Variants in NOL4 observed in about 807,000 individuals in gnomAD.
The protein encoded by NOL4 is nucleolar protein 4.
In NOL4, 17 loss-of-function variants were observed where a neutral mutation model predicts 75.9. The ratio of observed to expected loss-of-function variants is 0.22; its 90% CI spans 0.15 to 0.34. The LOEUF (loss-of-function observed/expected upper bound fraction) is 0.34, where lower values mean the gene tolerates loss of function less well. Among genes scored for constraint, NOL4 ranks in the 10% least tolerant of loss-of-function variants. NOL4 has a pLI of 1.00. For synonymous variants in NOL4, 292 were observed against 289.9 expected (o/e 1.01, Z -0.07); for missense variants, 614 against 793.5 (o/e 0.77, Z 2.72).
At chr18:34,021,997 G>A (rs1485759994) in intron 5 of NOL4, among the ~76,000 whole-genome samples, 6 of 151,892 alleles carry the variant, frequency 4.0e-5, no homozygotes, top group Admixed American at 1.3e-4. Flanking sequence ...TCAGCTACTC[G>A]GGAGGCTGAG....
At chr18:34,049,730 G>A (rs763978593) in intron 5 of NOL4, among the ~76,000 whole-genome samples, 48 of 152,102 alleles carry the variant, frequency 3.2e-4, no homozygotes, top group Non-Finnish European at 6.3e-4. Context: ...CCCACTGTCT[G>A]TAATTATTCT....
chr18:34,055,805 C>T (rs115894837), intron 5 of NOL4, among the ~76,000 whole-genome samples: 2,518 of 150,996 alleles, frequency 0.017, 67 homozygotes, highest in African/African-American at 0.058. Context: ...TTCTTCATTC[C>T]TTTTTTTTTC....
intron 1 of NOL4, among the ~76,000 whole-genome samples, chr18:34,201,423 T>C (rs774674962): frequency 5.3e-5 from 8 of 151,834 alleles, no homozygotes; most frequent in African/African-American, 7.2e-5. Context: ...TTAGAGTTCA[T>C]GTTCTTAACC....
At chr18:34,193,870 T>C (rs1180564702) in intron 1 of NOL4, among the ~76,000 whole-genome samples, 2 of 152,142 alleles carry the variant, frequency 1.3e-5, no homozygotes, top group Non-Finnish European at 2.9e-5. Context: ...GAAAATGTGG[T>C]ATGCATACAC....
At chr18:34,123,104 G>A (rs1364064657) in intron 2 of NOL4, among the ~76,000 whole-genome samples, 2 of 150,216 alleles carry the variant, frequency 1.3e-5, no homozygotes, top group Non-Finnish European at 3.0e-5. Flanking sequence ...AAACTTCTTT[G>A]GATAAGCTCT....
At chr18:34,126,416 A>T (rs1476135583) in intron 2 of NOL4, among the ~76,000 whole-genome samples, 1 of 152,178 alleles carries the variant, frequency 6.6e-6, no homozygotes, top group East Asian at 1.9e-4. Context: ...TATGAGTAAT[A>T]CATATAAGTT....
chr18:33,994,498 C>T (rs996592098), intron 6 of NOL4, among the ~76,000 whole-genome samples: 37 of 150,838 alleles, frequency 2.5e-4, no homozygotes, highest in African/African-American at 8.5e-4. Context: ...AAATCACAAA[C>T]TCACAAATAT....
chr18:34,037,512 T>A (rs761557975), intron 5 of NOL4, among the ~76,000 whole-genome samples: 1 of 152,094 alleles, frequency 6.6e-6, no homozygotes, highest in Non-Finnish European at 1.5e-5. Flanking sequence ...GACTTCAAAT[T>A]ATATTACAAG....
chr18:33,901,082 A>G (rs1388037925), intron 9 of NOL4, among the ~76,000 whole-genome samples: 4 of 152,222 alleles, frequency 2.6e-5, no homozygotes, highest in East Asian at 1.9e-4. Flanking sequence ...TTACTAAAAT[A>G]CAATAGAAAT....
intron 1 of NOL4, among the ~76,000 whole-genome samples, chr18:34,203,799 C>T (rs1400913661): frequency 2.0e-5 from 3 of 148,960 alleles, no homozygotes; most frequent in African/African-American, 4.9e-5. Context: ...ACTAGATCAA[C>T]CCCAGCAAGT....
At chr18:33,926,114 C>A (rs2067306269) in intron 9 of NOL4, among the ~76,000 whole-genome samples, 1 of 152,030 alleles carries the variant, frequency 6.6e-6, no homozygotes. Flanking sequence ...GTAATCCCAG[C>A]ACTCTGGGAG....
Position 33,958,255 on chromosome 18 carries a change from C to T in NOL4, c.1220G>A (p.Arg407Gln), listed in dbSNP as rs1348412522. ...AGGACTCACATTAAAAGCTTTCAGC[C>T]GCTCGGCTTCAACGCCGTCTGTCTC... is the stretch of plus-strand genomic sequence containing the variant. ...VNETDGVEAE[R>Q]LKAFNMFVRL... Residue 407 changes from arginine (R) to glutamine (Q), a missense_variant, in exon 7 of 11, where the codon CGG (arginine) becomes CAG (glutamine). This residue lies in a region of NOL4 where 196 missense variants were observed against 167.9 expected (regional missense o/e 1.17). Transcript: ENST00000261592. 5 of 1,613,298 alleles carry T rather than the reference C, an allele frequency of 3.1e-6. No individual in the cohort carries two copies. Among genetic ancestry groups the T allele is most frequent in the South Asian group, 1.1e-5 (1 of 90,998 alleles).
At chr18:34,133,042 G>T (rs1029673366) in intron 1 of NOL4, among the ~76,000 whole-genome samples, 2 of 152,038 alleles carry the variant, frequency 1.3e-5, no homozygotes, top group Non-Finnish European at 2.9e-5. Context: ...GGAGGCAGAG[G>T]GGGGTGGATC....
intron 1 of NOL4, among the ~76,000 whole-genome samples, chr18:34,187,721 T>C (rs12456222): frequency 0.3 from 45,704 of 152,142 alleles, 7,092 homozygotes; most frequent in East Asian, 0.44. Context: ...TATTTCATTG[T>C]CTGGCTATAC....
intron 9 of NOL4, among the ~76,000 whole-genome samples, chr18:33,930,748 T>C (rs777690492): frequency 8.5e-5 from 13 of 152,198 alleles, no homozygotes; most frequent in African/African-American, 3.1e-4. Context: ...TTTTGTGGTA[T>C]CTGTGTTGTG....
chr18:34,059,582 A>G (rs918755677), intron 5 of NOL4, among the ~76,000 whole-genome samples: 2 of 152,144 alleles, frequency 1.3e-5, no homozygotes, highest in African/African-American at 2.4e-5. Flanking sequence ...TGGGATCACT[A>G]GCTTCCAAAA....
chr18:34,163,009 A>C (rs1484622010), intron 1 of NOL4, among the ~76,000 whole-genome samples: 1 of 152,202 alleles, frequency 6.6e-6, no homozygotes, highest in Non-Finnish European at 1.5e-5. Flanking sequence ...ATCTCAATAG[A>C]TGCACAAAAG....
intron 9 of NOL4, among the ~76,000 whole-genome samples, chr18:33,901,468 T>A (rs1231330007): frequency 6.6e-6 from 1 of 152,084 alleles, no homozygotes; most frequent in Non-Finnish European, 1.5e-5. Flanking sequence ...AGTGAAAGAA[T>A]TGAGTACATG....
At chr18:34,148,197 C>T (rs181018061) in intron 1 of NOL4, among the ~76,000 whole-genome samples, 10 of 151,494 alleles carry the variant, frequency 6.6e-5, no homozygotes, top group Admixed American at 6.6e-4. Flanking sequence ...GAAGGGGTTT[C>T]CTTGTCTCTA....
Sources: allele counts gnomAD v4.1 joint callset (sites outside exome capture counted in the v4.1 genomes callset), GRCh38; gene constraint gnomAD v4.1.1; regional missense constraint gnomAD v4.1.1; transcripts MANE v1.5; gene names NCBI Gene and HGNC (gene_info 2026-07-23, HGNC 2026-07-21).